The following TNFSF4 variants were observed in gnomAD, a reference collection of about 807,000 sequenced individuals.
TNFSF4 encodes the protein TNF superfamily member 4, also known as tumor necrosis factor ligand superfamily member 4.
Under a neutral mutation model 7.3 loss-of-function variants are expected in TNFSF4, and 4 were observed. The observed-to-expected ratio is 0.55, with a 90% CI of 0.27 to 1.25. The LOEUF (loss-of-function observed/expected upper bound fraction) is 1.25. TNFSF4 is among the 50% of genes most tolerant of loss of function. TNFSF4 has a pLI of 0.12. For missense variants in TNFSF4, 181 were observed against 208.8 expected (o/e 0.87, Z 0.82); for synonymous variants, 76 against 83.7 (o/e 0.91, Z 0.50).
the TNFSF4 span, chr1:173,362,800 C>T: frequency 4.7e-6 from 2 of 424,468 alleles, no homozygotes; most frequent in South Asian, 2.1e-5. Flanking sequence ...CAAAGCTTTA[C>T]TGTGTTGCTT....
the TNFSF4 span, among the ~76,000 whole-genome samples, chr1:173,375,709 C>T: frequency 6.6e-6 from 1 of 152,106 alleles, no homozygotes; most frequent in African/African-American, 2.4e-5. Context: ...GAAAAAAGGG[C>T]ACTCTGATAG....
At chr1:173,206,458 T>C (rs142380424) in intron 1 of TNFSF4, among the ~76,000 whole-genome samples, 57 of 152,308 alleles carry the variant, frequency 3.7e-4, no homozygotes, top group African/African-American at 1.4e-3. Context: ...CTGGAAGAGA[T>C]AGATTGTGAG....
chr1:173,274,132 C>T, the TNFSF4 span, among the ~76,000 whole-genome samples: 1 of 151,622 alleles, frequency 6.6e-6, no homozygotes, highest in Non-Finnish European at 1.5e-5. Context: ...CATACACACA[C>T]ACACACACAC....
At chr1:173,278,573 A>T in the TNFSF4 span, among the ~76,000 whole-genome samples, 2 of 152,126 alleles carry the variant, frequency 1.3e-5, no homozygotes, top group African/African-American at 4.8e-5. Flanking sequence ...TTCACTGGAA[A>T]GTAGTCTTCA....
chr1:173,316,106 C>T, the TNFSF4 span, among the ~76,000 whole-genome samples: 2 of 152,092 alleles, frequency 1.3e-5, no homozygotes, highest in African/African-American at 2.4e-5. Context: ...TTTTGCATGT[C>T]AATATCCAGT....
In TNFSF4 at chr1:173,184,906, C is replaced by T. The variant is rs542576804; in HGVS notation, c.*1610G>A. 9.2e-5 allele frequency: 14 copies of T among 152,300 alleles called. No individual in the cohort carries two copies. Among genetic ancestry groups the T allele is most frequent in the African/African-American group, 3.4e-4 (14 of 41,564 alleles). The allele number at this position is 152,300 out of a possible 1,614,324, so 9.4% of individuals were successfully genotyped here. ...GCCACTCAGAACTTGATTCCTCTTA[C>T]CTTACCTACAATTTCTTCTATTTAG... is the stretch of plus-strand genomic sequence containing the variant. On this transcript the variant is annotated 3_prime_UTR_variant, in exon 3 of 3. Coordinates refer to ENST00000281834, the MANE Select transcript of TNFSF4 (RefSeq NM_003326.5).
the TNFSF4 span, among the ~76,000 whole-genome samples, chr1:173,177,712 T>C: frequency 6.6e-6 from 1 of 152,192 alleles, no homozygotes; most frequent in South Asian, 2.1e-4. Flanking sequence ...AAACAAATAT[T>C]TACTGGCCAA....
At chr1:173,206,817 A>T (rs1288858707) in intron 1 of TNFSF4, among the ~76,000 whole-genome samples, 1 of 151,790 alleles carries the variant, frequency 6.6e-6, no homozygotes, top group East Asian at 1.9e-4. Flanking sequence ...CCCTACCTCC[A>T]CTCTGCCCTA....
chr1:173,342,658 T>C, the TNFSF4 span, among the ~76,000 whole-genome samples: 1 of 152,154 alleles, frequency 6.6e-6, no homozygotes, highest in Non-Finnish European at 1.5e-5. Context: ...CCCTCCTCCC[T>C]CTTAACAGAT....
chr1:173,379,617 G>A, the TNFSF4 span, among the ~76,000 whole-genome samples: 16 of 152,130 alleles, frequency 1.1e-4, no homozygotes, highest in South Asian at 1.0e-3. Context: ...CTCTGGAGGC[G>A]TTATTAAACC....
the TNFSF4 span, among the ~76,000 whole-genome samples, chr1:173,415,310 G>T: frequency 6.6e-6 from 1 of 152,234 alleles, no homozygotes; most frequent in Non-Finnish European, 1.5e-5. Flanking sequence ...CAAGAGGCAA[G>T]TGAGTGGGTG....
At chr1:173,304,706 C>G in the TNFSF4 span, among the ~76,000 whole-genome samples, 2 of 151,996 alleles carry the variant, frequency 1.3e-5, no homozygotes, top group African/African-American at 2.4e-5. Flanking sequence ...ATGGACCTCT[C>G]TCTCCACAGG....
chr1:173,191,719 C>CAG (rs1649487386), intron 1 of TNFSF4, among the ~76,000 whole-genome samples: 1 of 152,190 alleles, frequency 6.6e-6, no homozygotes, highest in South Asian at 2.1e-4. Flanking sequence ...TTCTCTGGTT[C>CAG]TTTGAATTTG....
the TNFSF4 span, among the ~76,000 whole-genome samples, chr1:173,329,353 A>G: frequency 6.6e-6 from 1 of 152,174 alleles, no homozygotes; most frequent in Non-Finnish European, 1.5e-5. Flanking sequence ...AATACTTGTT[A>G]TGCTGTATTG....
chr1:173,385,032 C>G, the TNFSF4 span, among the ~76,000 whole-genome samples: 1 of 152,168 alleles, frequency 6.6e-6, no homozygotes, highest in Non-Finnish European at 1.5e-5. Context: ...GACTCTAGTA[C>G]TAATTTTTTT....
chr1:173,214,097 G>T, the TNFSF4 span, among the ~76,000 whole-genome samples: 1 of 152,134 alleles, frequency 6.6e-6, no homozygotes, highest in African/African-American at 2.4e-5. Context: ...TAGGAATGAG[G>T]CAATACAATA....
the TNFSF4 span, among the ~76,000 whole-genome samples, chr1:173,391,305 T>G: frequency 1.1e-5 from 1 of 88,630 alleles, no homozygotes. Context: ...TTTCTCTTTC[T>G]TTCTGTCTCT....
chr1:173,279,010 T>G, the TNFSF4 span, among the ~76,000 whole-genome samples: 2 of 152,128 alleles, frequency 1.3e-5, no homozygotes, highest in African/African-American at 4.8e-5. Flanking sequence ...GCTGCCCTAC[T>G]TGTCCAGTGG....
the TNFSF4 span, among the ~76,000 whole-genome samples, chr1:173,177,591 T>A: frequency 6.6e-6 from 1 of 152,082 alleles, no homozygotes; most frequent in Non-Finnish European, 1.5e-5. Context: ...CTAAAATAAA[T>A]TTTTTTTAAA....
Sources: gnomAD v4.1 joint callset for allele counts (sites outside exome capture counted in the v4.1 genomes callset) on GRCh38, gnomAD v4.1.1 for gene constraint, MANE v1.5 for transcripts, NCBI Gene and HGNC (gene_info 2026-07-23, HGNC 2026-07-21) for gene names.